COG5: variants seen among roughly 807,000 people sequenced by gnomAD.
The protein encoded by COG5 is conserved oligomeric Golgi complex subunit 5.
COG5 carries 86 observed loss-of-function variants against 110.4 expected under a neutral mutation model. The ratio of observed to expected loss-of-function variants is 0.78; its 90% confidence interval spans 0.65 to 0.93. The LOEUF is 0.93. Ranked by LOEUF, COG5 falls within the 40% of genes least tolerant of loss-of-function variation. COG5 has a pLI of 0.00. For synonymous variants in COG5, 360 were observed against 334.6 expected, an observed-to-expected ratio of 1.08 and a Z score of -0.83; for missense variants, 1,077 against 987.0, an observed-to-expected ratio of 1.09 and a Z score of -1.22.
chr7:107,463,011 G>A (rs961245327), intron 6 of COG5, among the ~76,000 whole-genome samples: 2 of 152,208 alleles, frequency 1.3e-5, no homozygotes, highest in African/African-American at 4.8e-5. Context: ...TAAGAATGGA[G>A]TGATGGAACA....
At chr7:107,457,616 A>T (rs1308149951) in intron 6 of COG5, among the ~76,000 whole-genome samples, 2 of 151,950 alleles carry the variant, frequency 1.3e-5, no homozygotes, top group Non-Finnish European at 2.9e-5. Context: ...TTTTCAGTAG[A>T]GACAGGGTTT....
intron 6 of COG5, among the ~76,000 whole-genome samples, chr7:107,505,565 C>A (rs1798932586): frequency 6.6e-6 from 1 of 152,208 alleles, no homozygotes; most frequent in Admixed American, 6.5e-5. Flanking sequence ...CCACCTGTGT[C>A]TGCAGTGGTG....
chr7:107,366,510 T>TA (rs1430326016), intron 8 of COG5, among the ~76,000 whole-genome samples: 1 of 151,920 alleles, frequency 6.6e-6, no homozygotes, highest in Admixed American at 6.6e-5. Context: ...TTAACACACA[T>TA]ACACACACAA....
In COG5 at chr7:107,418,866, C is replaced by T. The variant is rs569531664; in HGVS notation, c.539-6234G>A. On this transcript the variant is annotated intron_variant, in intron 6 of 21. Coordinates refer to ENST00000297135, the MANE Select transcript of COG5 (RefSeq NM_006348.5). ...CACAGCTCACTGCAACCTCCGCCTC[C>T]GGGGTTCAAGCGATTCTGCTGCCTC... is the stretch of plus-strand genomic sequence containing the variant. Among the ~76,000 whole-genome samples, 21 of 152,090 alleles carry T rather than the reference C, an allele frequency of 1.4e-4. No individual in the cohort carries two copies. The East Asian group carries it at 2.5e-3, about 18-fold the overall frequency.
chr7:107,498,802 C>T (rs188697109), intron 6 of COG5, among the ~76,000 whole-genome samples: 22 of 152,166 alleles, frequency 1.4e-4, no homozygotes, highest in African/African-American at 5.1e-4. Context: ...GGGTTTTTAT[C>T]CAAAATAACT....
chr7:107,333,954 A>C lies in COG5; in HGVS notation c.1027-9433T>G, dbSNP rs1190681455. ...TAGTTTCTCCCTAATAAGAGAAACT[A>C]AGAAAGAAAAATGAGAACTATTTTC... On this transcript the variant is annotated intron_variant, in intron 10 of 21. Transcript: ENST00000297135. Among the ~76,000 whole-genome samples, 4 of 152,216 alleles carry C rather than the reference A, an allele frequency of 2.6e-5. No homozygotes were observed. The East Asian group carries it at 5.8e-4, about 22-fold the overall frequency.
intron 19 of COG5, among the ~76,000 whole-genome samples, chr7:107,220,726 C>T (rs980914987): frequency 1.3e-5 from 2 of 151,826 alleles, no homozygotes; most frequent in African/African-American, 2.4e-5. Context: ...GTCCCTCCAC[C>T]GGGTCACAAG....
intron 6 of COG5, among the ~76,000 whole-genome samples, chr7:107,506,876 A>C (rs1054711624): frequency 1.3e-5 from 2 of 152,210 alleles, no homozygotes; most frequent in African/African-American, 4.8e-5. Flanking sequence ...CATGAAATTC[A>C]GTTGGGAGGT....
chr7:107,413,797 T>C (rs1023974080), intron 6 of COG5, among the ~76,000 whole-genome samples: 1 of 152,218 alleles, frequency 6.6e-6, no homozygotes, highest in Admixed American at 6.5e-5. Context: ...GTATAATACA[T>C]TAAGCTAGAC....
chr7:107,230,583 T>A, intron 19 of COG5, 32 bp downstream of exon 19: 1 of 1,478,306 alleles, frequency 6.8e-7, no homozygotes, highest in Non-Finnish European at 9.5e-7. Flanking sequence ...GCCTGGAGGA[T>A]ATGAATGTAT....
At chr7:107,431,527 T>C (rs1180758843) in intron 6 of COG5, among the ~76,000 whole-genome samples, 2 of 152,234 alleles carry the variant, frequency 1.3e-5, no homozygotes, top group African/African-American at 4.8e-5. Flanking sequence ...CACTGAAGTA[T>C]AGAGAATATA....
At chr7:107,218,256 T>C in intron 19 of COG5, among the ~76,000 whole-genome samples, 1 of 152,126 alleles carries the variant, frequency 6.6e-6, no homozygotes, top group East Asian at 1.9e-4. Context: ...GAATTAATAT[T>C]GTTAAAATGT....
In COG5 at chr7:107,240,319, G is replaced by A. The variant is rs548606721; in HGVS notation, c.1854-3632C>T. On this transcript the variant is annotated intron_variant, in intron 17 of 21. Transcript: ENST00000297135. ...CAACCTCTGCCTCCAGGGTTCAAGC[G>A]ATTCTCCTGACTCAGCCTCCCCAGT... is the stretch of plus-strand genomic sequence containing the variant. Among the ~76,000 whole-genome samples the A allele has an allele frequency of 3.9e-5, 6 of 152,200 alleles. No individual in the cohort carries two copies. The South Asian group carries it at 6.2e-4, about 16-fold the overall frequency.
intron 10 of COG5, among the ~76,000 whole-genome samples, chr7:107,327,947 A>G (rs1412270307): frequency 6.6e-6 from 1 of 152,218 alleles, no homozygotes; most frequent in Non-Finnish European, 1.5e-5. Context: ...TATAAGTAAA[A>G]GAGCTGAAAG....
intron 8 of COG5, among the ~76,000 whole-genome samples, chr7:107,365,751 A>T (rs1160651777): frequency 6.6e-6 from 1 of 152,078 alleles, no homozygotes; most frequent in African/African-American, 2.4e-5. Context: ...GCTAGGATTC[A>T]ACACTGAAAT....
rs558937831 is a variant in COG5 at position 107,279,074 on chromosome 7, C to G, written c.1575+2226G>C. On this transcript the variant is annotated intron_variant, in intron 14 of 21. Transcript: ENST00000297135. ...GATAATATCCAGAACCTACAAAGAA[C>G]TTAAACAAATTTACAAGAGAAAAAC... Among the ~76,000 whole-genome samples, 29 of 152,222 alleles carry G rather than the reference C, an allele frequency of 1.9e-4. No homozygotes were observed. In the South Asian group the frequency reaches 5.6e-3, roughly 29 times the overall value.
intron 11 of COG5, among the ~76,000 whole-genome samples, chr7:107,314,283 G>C (rs1808532537): frequency 6.6e-6 from 1 of 152,114 alleles, no homozygotes; most frequent in South Asian, 2.1e-4. Context: ...GGGACATGAA[G>C]GGAACATCTG....
chr7:107,274,705 G>C lies in COG5; in HGVS notation c.1575+6595C>G, dbSNP rs143081583. On this transcript the variant is annotated intron_variant, in intron 14 of 21. Coordinates refer to ENST00000297135, the MANE Select transcript of COG5 (RefSeq NM_006348.5). ...AGCATGAGCAATAAATGCTTACTGC[G>C]TGTCACCCACGCCAACAGCGGTTGT... Among the ~76,000 whole-genome samples, 1,251 of 152,238 alleles carry C rather than the reference G, an allele frequency of 8.2e-3. 11 individuals are homozygous for C. The highest frequency in any genetic ancestry group is 0.02 in the Middle Eastern group (6 of 294).
intron 21 of COG5, among the ~76,000 whole-genome samples, chr7:107,204,343 G>A (rs1172095891): frequency 6.6e-6 from 1 of 152,176 alleles, no homozygotes; most frequent in Non-Finnish European, 1.5e-5. Flanking sequence ...TTGAGGCAGA[G>A]ACCATGTGGC....
Sources: allele counts gnomAD v4.1 joint callset (sites outside exome capture counted in the v4.1 genomes callset), GRCh38; gene constraint gnomAD v4.1.1; transcripts MANE v1.5; gene names NCBI Gene and HGNC (gene_info 2026-07-23, HGNC 2026-07-21).